Variants in VTI1A observed in about 807,000 individuals in gnomAD.
VTI1A encodes the protein vesicle transport through interaction with t-SNAREs homolog 1A.
A neutral mutation model predicts 34.9 loss-of-function variants in VTI1A; 22 were observed. The observed-to-expected ratio is 0.63, with a 90% CI of 0.45 to 0.90. VTI1A has a LOEUF of 0.90. Ranked by LOEUF, VTI1A falls within the 40% of genes least tolerant of loss-of-function variation. The probability of loss-of-function intolerance (pLI) is 0.00; values close to 1 mark genes in which losing one functional copy is unlikely to be tolerated. For missense variants in VTI1A, 268 were observed against 275.6 expected (o/e 0.97, Z 0.20); for synonymous variants, 87 against 97.3 (o/e 0.89, Z 0.62).
At chr10:112,754,138 C>T (rs1417235759) in intron 7 of VTI1A, among the ~76,000 whole-genome samples, 1 of 152,170 alleles carries the variant, frequency 6.6e-6, no homozygotes, top group Non-Finnish European at 1.5e-5. Context: ...AAAGCAAGCA[C>T]GTAGAGGTTC....
chr10:112,853,979 C>T, the VTI1A span, among the ~76,000 whole-genome samples: 3 of 152,150 alleles, frequency 2.0e-5, no homozygotes, highest in South Asian at 2.1e-4. Flanking sequence ...TCAGATCCTC[C>T]GAGAAGTTCT....
At chr10:112,532,317 C>G (rs763907358) in intron 4 of VTI1A, among the ~76,000 whole-genome samples, 1 of 152,084 alleles carries the variant, frequency 6.6e-6, no homozygotes, top group Non-Finnish European at 1.5e-5. Flanking sequence ...AATTTATTGA[C>G]CTGCATATGT....
At chr10:112,451,529 A>C (rs936167522) in intron 1 of VTI1A, among the ~76,000 whole-genome samples, 1 of 152,232 alleles carries the variant, frequency 6.6e-6, no homozygotes, top group African/African-American at 2.4e-5. Flanking sequence ...GTAAGTGATT[A>C]GGGCCTTTTG....
At chr10:112,804,919 C>A (rs550077944) in intron 7 of VTI1A, among the ~76,000 whole-genome samples, 12 of 123,802 alleles carry the variant, frequency 9.7e-5, no homozygotes, top group Non-Finnish European at 1.6e-4. Context: ...GGAATGCAGT[C>A]GTGCGATCAC....
downstream of VTI1A, among the ~76,000 whole-genome samples, chr10:112,819,472 C>T (rs561811124): frequency 6.7e-4 from 102 of 151,964 alleles, no homozygotes; most frequent in Admixed American, 2.1e-3. Flanking sequence ...TGTGGGCAGG[C>T]GGGAGAGCCA....
intron 3 of VTI1A, among the ~76,000 whole-genome samples, chr10:112,517,295 C>T (rs780286676): frequency 6.6e-6 from 1 of 151,906 alleles, no homozygotes; most frequent in Non-Finnish European, 1.5e-5. Flanking sequence ...GTGGCCATTG[C>T]AGCTAAAATT....
At chr10:112,594,349 T>C (rs576929341) in intron 5 of VTI1A, among the ~76,000 whole-genome samples, 14 of 152,262 alleles carry the variant, frequency 9.2e-5, no homozygotes, top group African/African-American at 3.1e-4. Flanking sequence ...GGGTATTCAA[T>C]TAGGAAAAGA....
Position 112,615,866 on chromosome 10 carries a change from G to A in VTI1A, c.428-52352G>A, listed in dbSNP as rs545871350. 2.6e-5 allele frequency among the ~76,000 whole-genome samples: 4 copies of A among 152,254 alleles called. No individual in the cohort carries two copies. The East Asian group carries it at 7.7e-4, about 29-fold the overall frequency. On this transcript the variant is annotated intron_variant, in intron 5 of 7. Transcript: ENST00000393077. ...GTATGGCACACTGAGACAGTGAGGT[G>A]CACAGGGAGTAAGGTAGAGTGTGCT...
chr10:112,521,222 C>T (rs1283523776), intron 3 of VTI1A, among the ~76,000 whole-genome samples: 1 of 151,974 alleles, frequency 6.6e-6, no homozygotes, highest in Non-Finnish European at 1.5e-5. Context: ...TCTCTGATAG[C>T]ATTAAAGAAA....
In VTI1A at chr10:112,637,607, C is replaced by T. The variant is rs11196029; in HGVS notation, c.428-30611C>T. Among the ~76,000 whole-genome samples, 77 of 151,828 alleles carry T rather than the reference C, an allele frequency of 5.1e-4. 3 individuals carry two copies. The East Asian group carries it at 0.012, about 24-fold the overall frequency. The stretch of plus-strand genomic sequence containing the variant: ...CCAGGAGGTGGAGGTTGCAGTGTGC[C>T]GAGATCGCGCTACTGCACTGTAGCC... On this transcript the variant is annotated intron_variant, in intron 5 of 7. Coordinates refer to ENST00000393077, the MANE Select transcript of VTI1A (RefSeq NM_145206.4).
At chr10:112,589,817 T>C (rs1325045959) in intron 5 of VTI1A, among the ~76,000 whole-genome samples, 1 of 152,196 alleles carries the variant, frequency 6.6e-6, no homozygotes, top group African/African-American at 2.4e-5. Context: ...CATCAGAATC[T>C]GAGTTCTTGA....
At chr10:112,702,171 T>C (rs191766784) in intron 7 of VTI1A, among the ~76,000 whole-genome samples, 219 of 152,270 alleles carry the variant, frequency 1.4e-3, no homozygotes, top group African/African-American at 5.1e-3. Flanking sequence ...TCTAATACTA[T>C]CTAACTTCGT....
At chr10:112,806,588 A>AT (rs953886581) in intron 7 of VTI1A, among the ~76,000 whole-genome samples, 97 of 124,098 alleles carry the variant, frequency 7.8e-4, no homozygotes, top group African/African-American at 2.7e-3. Context: ...GCCCAGCCTT[A>AT]TTTTTTTTTA....
At chr10:112,591,610 C>T (rs1844395335) in intron 5 of VTI1A, among the ~76,000 whole-genome samples, 1 of 152,144 alleles carries the variant, frequency 6.6e-6, no homozygotes, top group Non-Finnish European at 1.5e-5. Context: ...TTTAACTTCT[C>T]AAGGTCTTTA....
intron 5 of VTI1A, among the ~76,000 whole-genome samples, chr10:112,592,331 A>G (rs572312113): frequency 1.4e-4 from 22 of 152,306 alleles, no homozygotes; most frequent in Non-Finnish European, 2.9e-4. Flanking sequence ...GTCATCTGTT[A>G]CAGCAACAAC....
At chr10:112,551,119 C>T (rs1240739887) in intron 5 of VTI1A, among the ~76,000 whole-genome samples, 1 of 151,940 alleles carries the variant, frequency 6.6e-6, no homozygotes, top group Non-Finnish European at 1.5e-5. Flanking sequence ...TAGTGGGCGC[C>T]TGTAGTCCCA....
intron 3 of VTI1A, among the ~76,000 whole-genome samples, chr10:112,471,932 C>T (rs757002883): frequency 3.3e-5 from 5 of 152,092 alleles, no homozygotes; most frequent in Admixed American, 6.5e-5. Context: ...AAATGTTTGA[C>T]CAAGTCTCAG....
chr10:112,668,149 G>A, intron 5 of VTI1A, 69 bp from the exon 6 acceptor site: 1 of 1,294,692 alleles, frequency 7.7e-7, no homozygotes, highest in Non-Finnish European at 1.1e-6. Flanking sequence ...TGCCATTTTA[G>A]TATTTCTGAG....
chr10:112,715,063 G>T (rs1183610007), intron 7 of VTI1A, among the ~76,000 whole-genome samples: 2 of 151,970 alleles, frequency 1.3e-5, no homozygotes, highest in Non-Finnish European at 2.9e-5. Context: ...TAAACCACAG[G>T]CTTATTTTTT....
Sources: gnomAD v4.1 joint callset for allele counts (sites outside exome capture counted in the v4.1 genomes callset) on GRCh38, gnomAD v4.1.1 for gene constraint, MANE v1.5 for transcripts, NCBI Gene and HGNC (gene_info 2026-07-23, HGNC 2026-07-21) for gene names.